ANO10: variants seen among roughly 807,000 people sequenced by gnomAD.
ANO10 encodes the protein anoctamin 10.
Under a neutral mutation model 74.7 loss-of-function variants are expected in ANO10, and 77 were observed. That is an observed-to-expected ratio of 1.03 (90% confidence interval 0.86 to 1.25). The LOEUF is 1.25. Ranked by LOEUF, ANO10 falls within the 50% of genes most tolerant of loss-of-function variation. The probability of loss-of-function intolerance (pLI) is 0.00; values close to 1 mark genes in which losing one functional copy is unlikely to be tolerated. For synonymous variants in ANO10, 279 were observed against 284.9 expected (o/e 0.98, Z 0.21); for missense variants, 721 against 778.1 (o/e 0.93, Z 0.87).
chr3:43,595,172 T>C (rs2082013083), intron 4 of ANO10, among the ~76,000 whole-genome samples: 1 of 152,212 alleles, frequency 6.6e-6, no homozygotes, highest in African/African-American at 2.4e-5. Context: ...ACAGCCGAAT[T>C]CTACCAGAGG....
intron 11 of ANO10, among the ~76,000 whole-genome samples, chr3:43,467,199 A>G (rs1370251931): frequency 6.6e-6 from 1 of 152,238 alleles, no homozygotes; most frequent in Non-Finnish European, 1.5e-5. Context: ...AATTTCTTAT[A>G]AAGTTAAATA....
Position 43,621,913 on chromosome 3 carries a change from C to T in ANO10, c.-16G>A, listed in dbSNP as rs1237286122. 1.3e-5 allele frequency: 2 copies of T among 152,500 alleles called. No individual in the cohort carries two copies. The highest frequency in any genetic ancestry group is 2.4e-5 in the African/African-American group (1 of 41,462). The allele number at this position is 152,500 out of a possible 1,614,324, so 9.4% of individuals were successfully genotyped here. On this transcript the variant is annotated 5_prime_UTR_variant, in exon 1 of 13. Coordinates refer to ENST00000292246, the MANE Select transcript of ANO10 (RefSeq NM_018075.5). Reference sequence around the variant, plus strand: ...GAGGTGCCCTCCCCGACTCACCAGCCGCCGCAGCGCTCCACGTCTTCGGAG... The same window carrying T: ...GAGGTGCCCTCCCCGACTCACCAGCTGCCGCAGCGCTCCACGTCTTCGGAG...
chr3:43,540,122 T>C, intron 11 of ANO10, among the ~76,000 whole-genome samples: 1 of 152,230 alleles, frequency 6.6e-6, no homozygotes, highest in East Asian at 1.9e-4. Context: ...CCCATTTAGA[T>C]GACACAATTG....
intron 1 of ANO10, among the ~76,000 whole-genome samples, chr3:43,681,427 A>C (rs2084197439): frequency 6.6e-6 from 1 of 152,212 alleles, no homozygotes. Flanking sequence ...AGATTCATAA[A>C]GCAAGTCCTC....
At chr3:43,512,682 T>C (rs937809797) in intron 11 of ANO10, among the ~76,000 whole-genome samples, 1 of 152,126 alleles carries the variant, frequency 6.6e-6, no homozygotes, top group Non-Finnish European at 1.5e-5. Flanking sequence ...TCACTAATTA[T>C]AGAAATTGAA....
chr3:43,637,635 T>C (rs1193095412), intron 1 of ANO10: 3 of 150,880 alleles, frequency 2.0e-5, no homozygotes, highest in African/African-American at 7.3e-5. Context: ...GTGCACATCG[T>C]TCCTGTGCAG....
At chr3:43,575,960 A>G (rs1042709784) in intron 6 of ANO10, among the ~76,000 whole-genome samples, 2 of 152,210 alleles carry the variant, frequency 1.3e-5, no homozygotes, top group African/African-American at 4.8e-5. Flanking sequence ...TATGTCCCAT[A>G]AAGTTAAGGC....
chr3:43,525,371 G>C (rs774234833), intron 11 of ANO10, among the ~76,000 whole-genome samples: 1 of 152,020 alleles, frequency 6.6e-6, no homozygotes, highest in Non-Finnish European at 1.5e-5. Flanking sequence ...TTCAGACTCC[G>C]GACAAGGTCA....
intron 11 of ANO10, among the ~76,000 whole-genome samples, chr3:43,525,087 C>T (rs1462105162): frequency 6.6e-6 from 1 of 152,132 alleles, no homozygotes; most frequent in Non-Finnish European, 1.5e-5. Context: ...AGGTCATCAC[C>T]ACAGCCATAC....
intron 11 of ANO10, among the ~76,000 whole-genome samples, chr3:43,468,310 T>C (rs564917031): frequency 7.8e-4 from 119 of 152,290 alleles, no homozygotes; most frequent in African/African-American, 2.6e-3. Flanking sequence ...CAGCACAGTA[T>C]TGACACATGG....
intron 11 of ANO10, among the ~76,000 whole-genome samples, chr3:43,467,549 T>C (rs555529094): frequency 1.3e-5 from 2 of 152,326 alleles, no homozygotes; most frequent in East Asian, 1.9e-4. Context: ...TTGTCATCTG[T>C]AGTGACAAGA....
In ANO10 at chr3:43,580,358, G is replaced by C. The variant is rs1321060754; in HGVS notation, c.587C>G (p.Pro196Arg). The C allele has an allele frequency of 1.2e-6, 2 of 1,613,802 alleles. No homozygotes were observed. Among genetic ancestry groups the C allele is most frequent in the East Asian group, 2.2e-5 (1 of 44,858 alleles). ...GAACAAGTACTGACACATACCTATG[G>C]GCTGATACTTCAAAGCAAACCGAGT... ...WYTRFALKYQ[P>R]IDSIRGYFGE... Residue 196 changes from proline to arginine, a missense_variant, in exon 5 of 13, where the codon CCC (proline) becomes CGC (arginine). Pro to Arg is a moderately radical substitution (Grantham distance 103, BLOSUM62 -2). Coordinates refer to ENST00000292246, the MANE Select transcript of ANO10 (RefSeq NM_018075.5).
At chr3:43,512,542 G>A (rs1225172743) in intron 11 of ANO10, among the ~76,000 whole-genome samples, 2 of 152,148 alleles carry the variant, frequency 1.3e-5, no homozygotes, top group Non-Finnish European at 2.9e-5. Flanking sequence ...TAGAGGTCAT[G>A]AGGAGTTGTC....
chr3:43,428,252 G>A (rs2092927157), intron 12 of ANO10, among the ~76,000 whole-genome samples: 1 of 152,014 alleles, frequency 6.6e-6, no homozygotes, highest in Non-Finnish European at 1.5e-5. Flanking sequence ...GTTTCACCAT[G>A]TTGGCTGGGC....
chr3:43,679,068 C>T (rs1003656740), intron 1 of ANO10, among the ~76,000 whole-genome samples: 2 of 152,132 alleles, frequency 1.3e-5, no homozygotes, highest in Admixed American at 6.5e-5. Context: ...GGGTTTATCG[C>T]ACTGGGGAGT....
chr3:43,610,463 A>G (rs1260233270), intron 1 of ANO10, among the ~76,000 whole-genome samples: 1 of 152,220 alleles, frequency 6.6e-6, no homozygotes, highest in East Asian at 1.9e-4. Flanking sequence ...GGTATTATGT[A>G]CTATACATAA....
intron 11 of ANO10, among the ~76,000 whole-genome samples, chr3:43,462,770 C>T (rs539061849): frequency 3.9e-5 from 6 of 152,294 alleles, no homozygotes; most frequent in South Asian, 2.1e-4. Flanking sequence ...GAGGAAAAAG[C>T]GGTTTTGTGG....
intron 9 of ANO10, among the ~76,000 whole-genome samples, chr3:43,557,560 C>A (rs1272559870): frequency 6.6e-6 from 1 of 151,412 alleles, no homozygotes; most frequent in South Asian, 2.1e-4. Flanking sequence ...ATGGTGAAAA[C>A]CTGTCTCTAC....
Position 43,483,415 on chromosome 3 carries a change from T to A in ANO10, c.1798-50688A>T, listed in dbSNP as rs375540786. Among the ~76,000 whole-genome samples, 6 of 152,156 alleles carry A rather than the reference T, an allele frequency of 3.9e-5. No individual in the cohort carries two copies. In the East Asian group the frequency reaches 7.7e-4, roughly 20 times the overall value. ...ATCAGAGGAGCCAAGCTGCTAGAAA[T>A]AGACTCAAAAGTAACAGTTCATGTC... On this transcript the variant is annotated intron_variant, in intron 11 of 12. Coordinates refer to ENST00000292246, the MANE Select transcript of ANO10 (RefSeq NM_018075.5).
Sources: gnomAD v4.1 joint callset for allele counts (sites outside exome capture counted in the v4.1 genomes callset) on GRCh38, gnomAD v4.1.1 for gene constraint, MANE v1.5 for transcripts, NCBI Gene and HGNC (gene_info 2026-07-23, HGNC 2026-07-21) for gene names.